Variants in MBNL2 observed in about 807,000 individuals in gnomAD.
MBNL2 encodes muscleblind like splicing regulator 2.
In MBNL2, 17 loss-of-function variants were observed where a neutral mutation model predicts 41.9. That is an observed-to-expected ratio of 0.41 (90% CI 0.28 to 0.61). The LOEUF is 0.61. Among genes scored for constraint, MBNL2 ranks in the 20% least tolerant of loss-of-function variants. The probability of loss-of-function intolerance (pLI) is 0.35; values close to 1 mark genes in which losing one functional copy is unlikely to be tolerated. For synonymous variants in MBNL2, 195 were observed against 182.9 expected (o/e 1.07, Z -0.53); for missense variants, 336 against 505.6 (o/e 0.66, Z 3.22).
rs562764611 is a variant in MBNL2, at chr13:97,376,247, A to C, written c.1048+11076A>C. On this transcript the variant is annotated intron_variant, in intron 8 of 8. Coordinates refer to ENST00000679496, the MANE Select transcript of MBNL2 (RefSeq NM_001382683.1). ...CATGATCCCTGGCTTGCCTTTGCTC[A>C]CCCAGAGGCTGTTCTCTGACTTCTG... Among the ~76,000 whole-genome samples, 127 of 152,282 alleles carry C rather than the reference A, an allele frequency of 8.3e-4. 1 individual carries two copies. In the South Asian group the frequency reaches 0.025, roughly 30 times the overall value.
chr13:97,347,447 A>C (rs535422076), intron 5 of MBNL2, among the ~76,000 whole-genome samples: 24 of 152,240 alleles, frequency 1.6e-4, no homozygotes, highest in Non-Finnish European at 2.9e-4. Flanking sequence ...TCTGCACCTG[A>C]GCACGAGGAG....
chr13:97,182,987 A>T, the MBNL2 span, among the ~76,000 whole-genome samples: 1 of 152,232 alleles, frequency 6.6e-6, no homozygotes, highest in Non-Finnish European at 1.5e-5. Flanking sequence ...TACAATATCA[A>T]TAAAAAGTCT....
At chr13:97,262,724 C>T (rs181571844) in intron 1 of MBNL2, among the ~76,000 whole-genome samples, 81 of 152,152 alleles carry the variant, frequency 5.3e-4, no homozygotes, top group South Asian at 4.8e-3. Context: ...TGTCCTTCTG[C>T]ACACACAGGA....
At chr13:97,220,622 A>C (rs182418776), upstream of MBNL2, among the ~76,000 whole-genome samples, 11 of 152,256 alleles carry the variant, frequency 7.2e-5, no homozygotes, top group African/African-American at 2.4e-4. Flanking sequence ...ATTTTAAAAA[A>C]CCCGTCTGGC....
chr13:97,347,729 G>C (rs1404216013), intron 5 of MBNL2, among the ~76,000 whole-genome samples: 1 of 152,120 alleles, frequency 6.6e-6, no homozygotes, highest in African/African-American at 2.4e-5. Context: ...TTAGAGACCA[G>C]CAGTACATCA....
intron 1 of MBNL2, among the ~76,000 whole-genome samples, chr13:97,270,870 C>A (rs1247006230): frequency 1.3e-5 from 2 of 152,212 alleles, no homozygotes. Context: ...GTGGCTCTCT[C>A]CCTTTTCCCC....
chr13:97,282,996 C>T (rs996626130), intron 2 of MBNL2, among the ~76,000 whole-genome samples: 1 of 152,188 alleles, frequency 6.6e-6, no homozygotes, highest in East Asian at 1.9e-4. Context: ...ATCTCCAGAC[C>T]AAAACCTTCC....
the MBNL2 span, among the ~76,000 whole-genome samples, chr13:97,202,215 T>A: frequency 6.6e-6 from 1 of 152,220 alleles, no homozygotes; most frequent in Admixed American, 6.5e-5. Flanking sequence ...ACTAGCTTTA[T>A]GTGATATTTA....
chr13:97,232,351 ATTT>A (rs2042502659), intron 1 of MBNL2, among the ~76,000 whole-genome samples: 1 of 152,176 alleles, frequency 6.6e-6, no homozygotes, highest in South Asian at 2.1e-4. Context: ...GATGGCCGGT[ATTT>A]TTATGCATTT....
chr13:97,146,760 A>AGGTGACCATGGCC, the MBNL2 span, among the ~76,000 whole-genome samples: 25 of 152,316 alleles, frequency 1.6e-4, no homozygotes, highest in Non-Finnish European at 2.9e-4. Flanking sequence ...TGTTGTTCCC[A>AGGTGACCATGGCC]GGTGACCATG....
chr13:97,356,999 A>G (rs530866698), intron 6 of MBNL2, 150 bp downstream of exon 6: 310 of 309,526 alleles, frequency 1.0e-3, no homozygotes, highest in Admixed American at 4.1e-3. Context: ...TCATTCTCAT[A>G]TGTAATCTGT....
the MBNL2 span, among the ~76,000 whole-genome samples, chr13:97,174,545 A>G: frequency 6.6e-6 from 1 of 152,244 alleles, no homozygotes; most frequent in Non-Finnish European, 1.5e-5. Flanking sequence ...TGAAAGCTAC[A>G]TGTCTTCATA....
intron 1 of MBNL2, among the ~76,000 whole-genome samples, chr13:97,261,461 A>G (rs915833388): frequency 1.1e-4 from 16 of 152,168 alleles, no homozygotes; most frequent in East Asian, 3.9e-4. Context: ...GTTCTTTTAA[A>G]TTGTCCCATC....
At chr13:97,256,051 T>A (rs754405518) in intron 1 of MBNL2, among the ~76,000 whole-genome samples, 2 of 152,212 alleles carry the variant, frequency 1.3e-5, no homozygotes, top group Non-Finnish European at 2.9e-5. Flanking sequence ...TGAAAGATTC[T>A]TGGTGGAGAA....
At chr13:97,381,097 T>C (rs1566453190) in intron 8 of MBNL2, among the ~76,000 whole-genome samples, 1 of 146,978 alleles carries the variant, frequency 6.8e-6, no homozygotes, top group Non-Finnish European at 1.5e-5. Flanking sequence ...GTCCCTCTCT[T>C]TCTCTCTCCC....
At chr13:97,344,584 A>G (rs1266234777) in intron 4 of MBNL2, among the ~76,000 whole-genome samples, 1 of 152,206 alleles carries the variant, frequency 6.6e-6, no homozygotes, top group Non-Finnish European at 1.5e-5. Context: ...GAAGATATTT[A>G]TTTTTTCACT....
At chr13:97,257,417 C>T (rs989499450) in intron 1 of MBNL2, among the ~76,000 whole-genome samples, 4 of 152,174 alleles carry the variant, frequency 2.6e-5, no homozygotes, top group Non-Finnish European at 4.4e-5. Context: ...TCTTAAAAAA[C>T]ACTTACAGGG....
rs142251699 is a variant in MBNL2 at position 97,361,954 on chromosome 13, G to T, written c.1013-3182G>T. ...CTGGCTAATTTTTTTTGTATTTTTCGTAGAGACAGGATTTTACCATCTTGG... is the reference window on the plus strand; with the variant it reads ...CTGGCTAATTTTTTTTGTATTTTTCTTAGAGACAGGATTTTACCATCTTGG... On this transcript the variant is annotated intron_variant, in intron 7 of 8. Coordinates refer to ENST00000679496, the MANE Select transcript of MBNL2 (RefSeq NM_001382683.1). Among the ~76,000 whole-genome samples, 345 of 151,282 alleles carry T rather than the reference G, an allele frequency of 2.3e-3. 2 individuals carry two copies. The highest frequency in any genetic ancestry group is 7.6e-3 in the African/African-American group (312 of 41,230).
At chr13:97,258,413 C>G (rs1352067867) in intron 1 of MBNL2, among the ~76,000 whole-genome samples, 1 of 152,076 alleles carries the variant, frequency 6.6e-6, no homozygotes, top group African/African-American at 2.4e-5. Flanking sequence ...TACTTTCTTT[C>G]TTTCTTTCTT....
Sources: gnomAD v4.1 joint callset for allele counts (sites outside exome capture counted in the v4.1 genomes callset) on GRCh38, gnomAD v4.1.1 for gene constraint, MANE v1.5 for transcripts, NCBI Gene and HGNC (gene_info 2026-07-23, HGNC 2026-07-21) for gene names.